RAB10: variants seen among roughly 807,000 people sequenced by gnomAD.
The protein encoded by RAB10 is RAB10, member RAS oncogene family.
Under a neutral mutation model 25.7 loss-of-function variants are expected in RAB10, and 5 were observed. The observed-to-expected ratio is 0.19, with a 90% CI of 0.10 to 0.41. The LOEUF (loss-of-function observed/expected upper bound fraction) is 0.41. Among genes scored for constraint, RAB10 ranks in the 10% least tolerant of loss-of-function variants. The pLI, the probability that RAB10 is intolerant of heterozygous loss-of-function variation, is 1.00. For missense variants in RAB10, 103 were observed against 245.8 expected (o/e 0.42, Z 3.89); for synonymous variants, 89 against 86.4 (o/e 1.03, Z -0.16).
intron 1 of RAB10, among the ~76,000 whole-genome samples, chr2:26,038,157 A>T (rs987907468): frequency 2.0e-5 from 3 of 150,036 alleles, no homozygotes; most frequent in African/African-American, 7.4e-5. Flanking sequence ...AAGTGCTGGG[A>T]TTACAGGCGG....
intron 1 of RAB10, among the ~76,000 whole-genome samples, chr2:26,076,866 C>T (rs948319456): frequency 6.6e-6 from 1 of 151,324 alleles, no homozygotes; most frequent in Admixed American, 6.6e-5. Context: ...AACACTTGAA[C>T]CCGGGAGGCG....
intron 5 of RAB10, among the ~76,000 whole-genome samples, chr2:26,131,030 CTTT>C (rs36069349): frequency 9.1e-6 from 1 of 110,296 alleles, no homozygotes; most frequent in Non-Finnish European, 1.9e-5. Flanking sequence ...TCAGTCTTGG[CTTT>C]TTTTTTTTTT....
rs368977580 is a variant in RAB10, at chr2:26,115,260, A to G, written c.327+5354A>G. Among the ~76,000 whole-genome samples the G allele has an allele frequency of 2.2e-4, 33 of 152,320 alleles. No homozygotes were observed. The East Asian group carries it at 5.4e-3, about 25-fold the overall frequency. Reference sequence around the variant, plus strand: ...AGGTATTTACCCAAGAGAATTAACAATATATATCCACAAAAGGTGTACACA... The same window carrying G: ...AGGTATTTACCCAAGAGAATTAACAGTATATATCCACAAAAGGTGTACACA... On this transcript the variant is annotated intron_variant, in intron 3 of 5. Transcript: ENST00000264710.
At chr2:26,119,939 GAGGTGTAGT>G (rs1667767449) in intron 3 of RAB10, among the ~76,000 whole-genome samples, 1 of 152,220 alleles carries the variant, frequency 6.6e-6, no homozygotes, top group African/African-American at 2.4e-5. Context: ...AGTTGGCGTG[GAGGTGTAGT>G]AGGTTGTAAA....
chr2:26,071,975 AT>A (rs534615207), intron 1 of RAB10, among the ~76,000 whole-genome samples: 2 of 152,116 alleles, frequency 1.3e-5, no homozygotes, highest in Non-Finnish European at 2.9e-5. Context: ...TGATAATATT[AT>A]TTTTTTCATA....
chr2:26,121,211 A>T (rs1256851701), intron 3 of RAB10, among the ~76,000 whole-genome samples: 1 of 152,266 alleles, frequency 6.6e-6, no homozygotes, highest in Admixed American at 6.5e-5. Context: ...CACATGCGGT[A>T]TAATTTTTCT....
chr2:26,060,575 A>G (rs1057342014), intron 1 of RAB10, among the ~76,000 whole-genome samples: 1 of 152,152 alleles, frequency 6.6e-6, no homozygotes, highest in Non-Finnish European at 1.5e-5. Flanking sequence ...GGCATGAGCC[A>G]ACGTGCCCGG....
At chr2:26,133,161 GTTTTAAAATAT>G (rs1465697895) in intron 5 of RAB10, among the ~76,000 whole-genome samples, 1 of 152,102 alleles carries the variant, frequency 6.6e-6, no homozygotes, top group Non-Finnish European at 1.5e-5. Context: ...GCTACTTGAG[GTTTTAAAATAT>G]TTTTAAAATA....
At chr2:26,094,216 C>G in intron 1 of RAB10, among the ~76,000 whole-genome samples, 1 of 97,824 alleles carries the variant, frequency 1.0e-5, no homozygotes. Flanking sequence ...AAAAAGCCCC[C>G]TTATTTCATC....
intron 2 of RAB10, among the ~76,000 whole-genome samples, chr2:26,106,845 A>T (rs561088853): frequency 5.3e-4 from 80 of 152,296 alleles, no homozygotes; most frequent in African/African-American, 1.9e-3. Context: ...AGATCACACC[A>T]CTGCACTCCA....
chr2:26,061,895 AT>A (rs1014157093), intron 1 of RAB10, among the ~76,000 whole-genome samples: 5 of 150,944 alleles, frequency 3.3e-5, no homozygotes, highest in African/African-American at 4.9e-5. Context: ...TAGCTGGCTA[AT>A]TTTTTTTTAT....
intron 2 of RAB10, among the ~76,000 whole-genome samples, chr2:26,103,953 A>T (rs1445852305): frequency 6.6e-6 from 1 of 152,110 alleles, no homozygotes; most frequent in Non-Finnish European, 1.5e-5. Flanking sequence ...ACTCCATTGT[A>T]TGGATATACC....
chr2:26,114,307 A>G (rs1353177432), intron 3 of RAB10, among the ~76,000 whole-genome samples: 1 of 152,212 alleles, frequency 6.6e-6, no homozygotes, highest in Non-Finnish European at 1.5e-5. Flanking sequence ...GGAAGTACAC[A>G]GTTGTAAGAT....
At chr2:26,104,193 T>C (rs141691562) in intron 2 of RAB10, among the ~76,000 whole-genome samples, 1 of 152,340 alleles carries the variant, frequency 6.6e-6, no homozygotes, top group Non-Finnish European at 1.5e-5. Flanking sequence ...TTTTACATTG[T>C]CACCAACAGG....
chr2:26,133,426 A>C (rs1412171517), intron 5 of RAB10, among the ~76,000 whole-genome samples: 1 of 152,168 alleles, frequency 6.6e-6, no homozygotes, highest in African/African-American at 2.4e-5. Context: ...AGATGATAGA[A>C]ATCAGAATAT....
chr2:26,066,777 ATTTTTTTTTTT>A (rs3065544), intron 1 of RAB10, among the ~76,000 whole-genome samples: 26 of 110,242 alleles, frequency 2.4e-4, no homozygotes, highest in Non-Finnish European at 4.0e-4. Flanking sequence ...CATGCCATCA[ATTTTTTTTTTT>A]TTTTTTTTTT....
At chr2:26,057,233 A>G (rs958427901) in intron 1 of RAB10, among the ~76,000 whole-genome samples, 2 of 152,158 alleles carry the variant, frequency 1.3e-5, no homozygotes, top group African/African-American at 4.8e-5. Context: ...ACTTGAAGTC[A>G]TAGTGGCTTC....
Position 26,034,456 on chromosome 2 carries a change from A to G in RAB10, c.-153A>G. On this transcript the variant is annotated 5_prime_UTR_variant, in exon 1 of 6. Transcript: ENST00000264710. ...CGCCGCCACTGTCGGGGCTTCCTCA[A>G]AGCTGTTCGTAGGTCGCCCGCGCCG... 1 of 1,037,606 alleles carries G rather than the reference A, an allele frequency of 9.6e-7. No individual in the cohort carries two copies. Among genetic ancestry groups the G allele is most frequent in the Admixed American group, 2.7e-5 (1 of 36,744 alleles). 64.3% of individuals were successfully genotyped at this position (1,037,606 alleles called of 1,614,324 possible). A position where few individuals can be genotyped will look rare whatever the true frequency, so the allele number is the denominator to read the frequency against.
intron 5 of RAB10, among the ~76,000 whole-genome samples, chr2:26,130,653 T>C (rs1177953970): frequency 6.6e-6 from 1 of 152,160 alleles, no homozygotes; most frequent in Non-Finnish European, 1.5e-5. Flanking sequence ...CTCACTGTTT[T>C]GTCCAGGCAG....
Sources: allele counts gnomAD v4.1 joint callset (sites outside exome capture counted in the v4.1 genomes callset), GRCh38; gene constraint gnomAD v4.1.1; transcripts MANE v1.5; gene names NCBI Gene and HGNC (gene_info 2026-07-23, HGNC 2026-07-21).